Variants in CENPO observed in about 807,000 individuals in gnomAD.
CENPO encodes the protein centromeric protein O.
A neutral mutation model predicts 36.1 loss-of-function variants in CENPO; 30 were observed. The observed-to-expected ratio is 0.83, with a 90% confidence interval of 0.62 to 1.13. CENPO has a LOEUF of 1.13. Among genes scored for constraint, CENPO ranks in the 50% most tolerant of loss-of-function variants. The pLI, the probability that CENPO is intolerant of heterozygous loss-of-function variation, is 0.00. For missense variants in CENPO, 349 were observed against 357.8 expected, an observed-to-expected ratio of 0.98 and a Z score of 0.20; for synonymous variants, 171 against 142.3, an observed-to-expected ratio of 1.20 and a Z score of -1.44.
At chr2:24,795,255 G>C (rs1665841666) in intron 2 of CENPO, among the ~76,000 whole-genome samples, 1 of 152,004 alleles carries the variant, frequency 6.6e-6, no homozygotes, top group Non-Finnish European at 1.5e-5. Context: ...TACCCATACT[G>C]GTTTTATCCC....
intron 4 of CENPO, among the ~76,000 whole-genome samples, chr2:24,814,987 T>C (rs1248990727): frequency 6.6e-6 from 1 of 152,172 alleles, no homozygotes; most frequent in African/African-American, 2.4e-5. Flanking sequence ...ATGCCTGTAA[T>C]CCCATCACTT....
In CENPO at chr2:24,821,346, C is replaced by G; in HGVS notation, c.*2028C>G. ...TCAGCTGGGTTTTTGGTTTAGTCAT[C>G]TAGAGTCGTCTGGACTAAAGGTCTT... is the stretch of plus-strand genomic sequence containing the variant. On this transcript the variant is annotated 3_prime_UTR_variant, in exon 8 of 8. Coordinates refer to ENST00000380834, the MANE Select transcript of CENPO (RefSeq NM_001322101.2). The G allele has an allele frequency of 2.1e-6, 2 of 956,682 alleles. No individual in the cohort carries two copies. Among genetic ancestry groups the G allele is most frequent in the Non-Finnish European group, 3.1e-6 (2 of 649,596 alleles). The allele number at this position is 956,682 out of a possible 1,614,324, so 59.3% of individuals were successfully genotyped here. A position where few individuals can be genotyped will look rare whatever the true frequency, so the allele number is the denominator to read the frequency against.
intron 2 of CENPO, among the ~76,000 whole-genome samples, chr2:24,797,339 G>T (rs1013919482): frequency 1.3e-5 from 2 of 152,174 alleles, no homozygotes; most frequent in Non-Finnish European, 2.9e-5. Context: ...TGATTGTCAG[G>T]TTCCTGTAAG....
chr2:24,821,047 A>G lies in CENPO; in HGVS notation c.*1729A>G, dbSNP rs867070533. 2.1e-5 allele frequency: 11 copies of G among 533,532 alleles called. No homozygotes were observed. Among genetic ancestry groups the G allele is most frequent in the African/African-American group, 1.1e-4 (5 of 45,610 alleles). 33.0% of individuals were successfully genotyped at this position (533,532 alleles called of 1,614,324 possible). A position where few individuals can be genotyped will look rare whatever the true frequency, so the allele number is the denominator to read the frequency against. The stretch of plus-strand genomic sequence containing the variant: ...GTGTGCTTGTTAGGTGTCAGCCGCC[A>G]CCCCCCCCCCATATGCAGATTTACT... On this transcript the variant is annotated 3_prime_UTR_variant, in exon 8 of 8. Coordinates refer to ENST00000380834, the MANE Select transcript of CENPO (RefSeq NM_001322101.2).
chr2:24,821,836 G>T lies in CENPO; in HGVS notation c.*2518G>T. The T allele has an allele frequency of 1.4e-6, 1 of 711,084 alleles. No homozygotes were observed. Among genetic ancestry groups the T allele is most frequent in the Non-Finnish European group, 2.2e-6 (1 of 450,128 alleles). The allele number at this position is 711,084 out of a possible 1,614,324, so 44.0% of individuals were successfully genotyped here. A position where few individuals can be genotyped will look rare whatever the true frequency, so the allele number is the denominator to read the frequency against. On this transcript the variant is annotated 3_prime_UTR_variant, in exon 8 of 8. Coordinates refer to ENST00000380834, the MANE Select transcript of CENPO (RefSeq NM_001322101.2). ...TGACAAAGTTCACGTAGCAGGTCTA[G>T]GCAAAGACTGGGCAATTGAGCAGAG... is the stretch of plus-strand genomic sequence containing the variant.
rs1350688111 is a variant in CENPO at position 24,799,658 on chromosome 2, C to G, written c.47-17C>G. On this transcript the variant is annotated splice_polypyrimidine_tract_variant and intron_variant, in intron 2 of 7. Coordinates refer to ENST00000380834, the MANE Select transcript of CENPO (RefSeq NM_001322101.2). ...AATCCTCAGCTTCTTGTAAAATTCT[C>G]CTTTTACTCTCCTTAGGTGTTTTAG... The G allele has an allele frequency of 2.5e-6, 4 of 1,580,792 alleles. No individual in the cohort carries two copies. The highest frequency in any genetic ancestry group is 3.5e-6 in the Non-Finnish European group (4 of 1,158,984).
chr2:24,798,277 A>G (rs62140563), intron 2 of CENPO, among the ~76,000 whole-genome samples: 77 of 39,628 alleles, frequency 1.9e-3, no homozygotes, highest in Middle Eastern at 0.016. Context: ...ATGTGTGTGT[A>G]TATATATATA....
intron 2 of CENPO, among the ~76,000 whole-genome samples, chr2:24,798,469 C>G (rs1185668684): frequency 6.6e-6 from 1 of 151,922 alleles, no homozygotes; most frequent in Non-Finnish European, 1.5e-5. Context: ...TGATCTCACA[C>G]AAATTTTTTT....
rs1008272647 is a variant in CENPO at position 24,820,969 on chromosome 2, T to C, written c.*1651T>C. 6 of 1,416,996 alleles carry C rather than the reference T, an allele frequency of 4.2e-6. No individual in the cohort carries two copies. The highest frequency in any genetic ancestry group is 2.9e-5 in the African/African-American group (2 of 69,988). 87.8% of individuals were successfully genotyped at this position (1,416,996 alleles called of 1,614,324 possible). A position where few individuals can be genotyped will look rare whatever the true frequency, so the allele number is the denominator to read the frequency against. ...CTAATGTAACACATCATTGTCCTCA[T>C]TCAACTTGGCTGTATGCTATTGGAG... On this transcript the variant is annotated 3_prime_UTR_variant, in exon 8 of 8. Transcript: ENST00000380834.
chr2:24,806,733 AG>A (rs1191392395), intron 3 of CENPO, among the ~76,000 whole-genome samples: 2 of 152,162 alleles, frequency 1.3e-5, no homozygotes, highest in African/African-American at 2.4e-5. Flanking sequence ...CAATACTTAA[AG>A]TGGCCTGCCT....
chr2:24,794,136 GA>G (rs1280046025), intron 2 of CENPO, among the ~76,000 whole-genome samples, 171 bp downstream of exon 2: 1 of 152,204 alleles, frequency 6.6e-6, no homozygotes, highest in Admixed American at 6.5e-5. Context: ...ATTCGAGGAG[GA>G]AAAATGGCTT....
At position 24,821,057 on chromosome 2, in the gene CENPO, C is replaced by CA. The variant is rs940485655; in HGVS notation, c.*1740dup. On this transcript the variant is annotated 3_prime_UTR_variant, in exon 8 of 8. Transcript: ENST00000380834. ...TAGGTGTCAGCCGCCACCCCCCCCC[C>CA]ATATGCAGATTTACTCGGCATGGTA... is the stretch of plus-strand genomic sequence containing the variant. 9.4e-6 allele frequency: 6 copies of CA among 635,664 alleles called. No homozygotes were observed. Among genetic ancestry groups the CA allele is most frequent in the African/African-American group, 7.5e-5 (4 of 53,516 alleles). The allele number at this position is 635,664 out of a possible 1,614,324, so 39.4% of individuals were successfully genotyped here.
intron 3 of CENPO, among the ~76,000 whole-genome samples, chr2:24,801,541 C>A (rs1454496935): frequency 6.6e-6 from 1 of 152,216 alleles, no homozygotes; most frequent in African/African-American, 2.4e-5. Flanking sequence ...CAGCTTTCTA[C>A]ATATGGCTAG....
Position 24,819,787 on chromosome 2 carries a change from A to G in CENPO, c.*469A>G. On this transcript the variant is annotated 3_prime_UTR_variant, in exon 8 of 8. Coordinates refer to ENST00000380834, the MANE Select transcript of CENPO (RefSeq NM_001322101.2). ...TAGCAGGGCCACCCTCAGAGCTCAC[A>G]CATCCACGAACAAATGAAGGCTGAG... 1.2e-6 allele frequency: 1 copy of G among 845,996 alleles called. No individual in the cohort carries two copies. The highest frequency in any genetic ancestry group is 1.8e-6 in the Non-Finnish European group (1 of 547,772). The allele number at this position is 845,996 out of a possible 1,614,324, so 52.4% of individuals were successfully genotyped here.
Position 24,816,883 on chromosome 2 carries a change from A to G in CENPO, c.766+66A>G, listed in dbSNP as rs953675811. The stretch of plus-strand genomic sequence containing the variant: ...TTTATTTGAGTGAAACAGGGAAAAT[A>G]GGTAGAATCCATGAAGTAGACCTCT... On this transcript the variant is annotated intron_variant, in intron 6 of 7. Coordinates refer to ENST00000380834, the MANE Select transcript of CENPO (RefSeq NM_001322101.2). 2.3e-5 allele frequency: 34 copies of G among 1,466,542 alleles called. No homozygotes were observed. The African/African-American group carries it at 4.0e-4, about 17-fold the overall frequency. 90.8% of individuals were successfully genotyped at this position (1,466,542 alleles called of 1,614,324 possible). A position where few individuals can be genotyped will look rare whatever the true frequency, so the allele number is the denominator to read the frequency against.
At chr2:24,803,422 G>C (rs1666243539) in intron 3 of CENPO, among the ~76,000 whole-genome samples, 1 of 152,010 alleles carries the variant, frequency 6.6e-6, no homozygotes, top group African/African-American at 2.4e-5. Flanking sequence ...TGTGATGTTA[G>C]GGTGTCAATT....
At chr2:24,799,247 C>T (rs923898810) in intron 2 of CENPO, among the ~76,000 whole-genome samples, 1 of 152,288 alleles carries the variant, frequency 6.6e-6, no homozygotes, top group South Asian at 2.1e-4. Flanking sequence ...ATCCACCCGC[C>T]TTGGCCCCCC....
intron 3 of CENPO, among the ~76,000 whole-genome samples, chr2:24,802,573 C>G (rs1359809174): frequency 2.6e-5 from 4 of 152,314 alleles, no homozygotes; most frequent in South Asian, 4.2e-4. Context: ...TTTTCTGCAT[C>G]TATCGAGATA....
chr2:24,818,522 T>C (rs1667071131), intron 7 of CENPO, among the ~76,000 whole-genome samples: 1 of 152,244 alleles, frequency 6.6e-6, no homozygotes, highest in South Asian at 2.1e-4. Context: ...GCCACTGCTT[T>C]ATAAATATGG....
Sources: gnomAD v4.1 joint callset for allele counts (sites outside exome capture counted in the v4.1 genomes callset) on GRCh38, gnomAD v4.1.1 for gene constraint, MANE v1.5 for transcripts, NCBI Gene and HGNC (gene_info 2026-07-23, HGNC 2026-07-21) for gene names.